Variants in HHAT observed in about 807,000 individuals in gnomAD.
HHAT encodes the protein protein-cysteine N-palmitoyltransferase HHAT.
Under a neutral mutation model 70.8 loss-of-function variants are expected in HHAT, and 47 were observed. The ratio of observed to expected loss-of-function variants is 0.66; its 90% confidence interval spans 0.53 to 0.85. The LOEUF is 0.85. HHAT is among the 40% of genes least tolerant of loss of function. The pLI is 0.00. For synonymous variants in HHAT, 228 were observed against 247.6 expected, an observed-to-expected ratio of 0.92 and a Z score of 0.74; for missense variants, 609 against 604.8, an observed-to-expected ratio of 1.01 and a Z score of -0.07.
chr1:210,536,024 A>G (rs1297158831), intron 9 of HHAT, among the ~76,000 whole-genome samples: 1 of 152,208 alleles, frequency 6.6e-6, no homozygotes, highest in East Asian at 1.9e-4. Context: ...TATCGAGTCC[A>G]GCTCCGAGCT....
chr1:210,532,076 C>T (rs538750484), intron 9 of HHAT, among the ~76,000 whole-genome samples: 32 of 152,066 alleles, frequency 2.1e-4, no homozygotes, highest in Non-Finnish European at 4.4e-5. Flanking sequence ...AGCTGAAAGC[C>T]CATAGCATCT....
intron 9 of HHAT, among the ~76,000 whole-genome samples, chr1:210,529,118 A>T (rs1320294896): frequency 6.6e-6 from 1 of 152,158 alleles, no homozygotes; most frequent in Non-Finnish European, 1.5e-5. Context: ...CAGCCTAGCC[A>T]AGATAGTGAA....
chr1:210,527,647 G>A (rs548876681), intron 9 of HHAT, among the ~76,000 whole-genome samples: 1 of 152,250 alleles, frequency 6.6e-6, no homozygotes, highest in African/African-American at 2.4e-5. Context: ...AAGGTTTGGC[G>A]ATTCACAAGC....
chr1:210,669,468 A>G (rs1297490853), intron 11 of HHAT, among the ~76,000 whole-genome samples: 3 of 152,138 alleles, frequency 2.0e-5, no homozygotes, highest in Non-Finnish European at 4.4e-5. Flanking sequence ...TCTACCTATT[A>G]TGCCACCTAC....
At chr1:210,553,861 T>C (rs1445144114) in intron 9 of HHAT, among the ~76,000 whole-genome samples, 2 of 152,190 alleles carry the variant, frequency 1.3e-5, no homozygotes, top group Non-Finnish European at 2.9e-5. Context: ...ACCCCGAGTG[T>C]ATCCACTTCA....
At chr1:210,409,888 A>T (rs1558459559) in intron 6 of HHAT, among the ~76,000 whole-genome samples, 2 of 152,184 alleles carry the variant, frequency 1.3e-5, no homozygotes, top group East Asian at 3.9e-4. Flanking sequence ...GAACTTCACA[A>T]TTTCCATGGT....
intron 7 of HHAT, chr1:210,439,458 A>G (rs1301902079): frequency 6.6e-6 from 1 of 151,836 alleles, no homozygotes; most frequent in Non-Finnish European, 1.5e-5. Flanking sequence ...TGCAGCTGGC[A>G]TGTGGAATCC....
chr1:210,527,451 T>C (rs1475983745), intron 9 of HHAT, among the ~76,000 whole-genome samples: 3 of 152,176 alleles, frequency 2.0e-5, no homozygotes, highest in African/African-American at 7.2e-5. Flanking sequence ...GAGGACCAAA[T>C]AACATAGTAC....
chr1:210,569,399 A>AAAAAAAAAAAAAAAAAAAAC (rs1558182185), intron 9 of HHAT, among the ~76,000 whole-genome samples: 3 of 148,368 alleles, frequency 2.0e-5, no homozygotes, highest in Non-Finnish European at 3.0e-5. Context: ...AAAAAAAAAA[A>AAAAAAAAAAAAAAAAAAAAC]GCGTATAGCA....
At chr1:210,504,876 C>T (rs1225227088) in intron 8 of HHAT, among the ~76,000 whole-genome samples, 2 of 150,492 alleles carry the variant, frequency 1.3e-5, no homozygotes, top group Non-Finnish European at 3.0e-5. Flanking sequence ...TCACTTCTCA[C>T]TATGTTCCCG....
chr1:210,510,404 A>T (rs2094933599), intron 8 of HHAT, among the ~76,000 whole-genome samples: 1 of 152,166 alleles, frequency 6.6e-6, no homozygotes, highest in Admixed American at 6.5e-5. Context: ...AAGCACAAAT[A>T]CTGTATGACT....
chr1:210,329,000 A>AGCCGCC lies in HHAT; in HGVS notation c.-143_-138dup. On this transcript the variant is annotated 5_prime_UTR_variant, in exon 1 of 12. Coordinates refer to ENST00000261458, the MANE Select transcript of HHAT (RefSeq NM_018194.6). ...AGGGTGGCGTCCCGGGGAAGCCCGC[A>AGCCGCC]GCCGCCGCCGATGTCGCTGGGACTC... 1 of 1,376,916 alleles carries AGCCGCC rather than the reference A, an allele frequency of 7.3e-7. No homozygotes were observed. The highest frequency in any genetic ancestry group is 9.4e-7 in the Non-Finnish European group (1 of 1,063,948). 85.3% of individuals were successfully genotyped at this position (1,376,916 alleles called of 1,614,324 possible).
chr1:210,598,356 G>A (rs922083797), intron 10 of HHAT, among the ~76,000 whole-genome samples: 5 of 152,058 alleles, frequency 3.3e-5, no homozygotes, highest in African/African-American at 9.7e-5. Flanking sequence ...ACTAGGTCAC[G>A]TGTCCCCAAA....
intron 11 of HHAT, 94 bp from the exon 12 acceptor site, chr1:210,674,193 AG>A: frequency 1.0e-6 from 1 of 969,530 alleles, no homozygotes; most frequent in Non-Finnish European, 1.6e-6. Context: ...GTTGTTTGTC[AG>A]GTTGCCTTCT....
chr1:210,461,250 G>A (rs1447550157), intron 7 of HHAT, among the ~76,000 whole-genome samples: 1 of 152,142 alleles, frequency 6.6e-6, no homozygotes. Flanking sequence ...ATCTTAAAAG[G>A]GAAAGAGACT....
intron 8 of HHAT, among the ~76,000 whole-genome samples, chr1:210,496,010 C>CAAAA (rs10639399): frequency 0.01 from 691 of 67,914 alleles, 63 homozygotes; most frequent in African/African-American, 0.04. Context: ...AACTCTATCT[C>CAAAA]AAAAAAAAAA....
At chr1:210,335,501 G>A (rs2085402759) in intron 1 of HHAT, among the ~76,000 whole-genome samples, 1 of 152,128 alleles carries the variant, frequency 6.6e-6, no homozygotes, top group African/African-American at 2.4e-5. Context: ...ATTCTAGACA[G>A]TCTTAAGAGC....
intron 4 of HHAT, among the ~76,000 whole-genome samples, 170 bp downstream of exon 4, chr1:210,387,751 T>C (rs1371754759): frequency 6.6e-6 from 1 of 152,206 alleles, no homozygotes; most frequent in Non-Finnish European, 1.5e-5. Flanking sequence ...TCATAGTTCA[T>C]ATCCTGCACT....
intron 6 of HHAT, 145 bp from the exon 7 acceptor site, chr1:210,418,009 T>C (rs977117200): frequency 1.6e-4 from 120 of 735,256 alleles, no homozygotes; most frequent in East Asian, 2.5e-4. Flanking sequence ...ACCAAGAACA[T>C]TGAGTGTTCC....
Sources: gnomAD v4.1 joint callset for allele counts (sites outside exome capture counted in the v4.1 genomes callset) on GRCh38, gnomAD v4.1.1 for gene constraint, MANE v1.5 for transcripts, NCBI Gene and HGNC (gene_info 2026-07-23, HGNC 2026-07-21) for gene names.